DEAF1: variants seen among roughly 807,000 people sequenced by gnomAD.
DEAF1 encodes DEAF1 transcription factor.
Under a neutral mutation model 58.9 loss-of-function variants are expected in DEAF1, and 53 were observed. The observed-to-expected ratio is 0.90, with a 90% CI of 0.72 to 1.13. DEAF1 has a LOEUF of 1.13. Among genes scored for constraint, DEAF1 ranks in the 50% most tolerant of loss-of-function variants. The pLI is 0.00. For missense variants in DEAF1, 685 were observed against 791.4 expected (o/e 0.87, Z 1.61); for synonymous variants, 385 against 340.4 (o/e 1.13, Z -1.44).
chr11:650,934 A>G (rs1738136260), intron 11 of DEAF1, among the ~76,000 whole-genome samples: 1 of 152,042 alleles, frequency 6.6e-6, no homozygotes. Flanking sequence ...ACCATAAGAC[A>G]GGTGGAGTGT....
rs752892619 is a variant in DEAF1 at position 695,078 on chromosome 11, C to T, written c.-31G>A. On this transcript the variant is annotated 5_prime_UTR_variant, in exon 1 of 12. Transcript: ENST00000382409. Reference sequence around the variant, plus strand: ...CTCCGCCGAGCCTTCCCGAAGGCGCCGTCCGGGACCGCCCGAAGCGCCGGT... The same window carrying T: ...CTCCGCCGAGCCTTCCCGAAGGCGCTGTCCGGGACCGCCCGAAGCGCCGGT... The T allele has an allele frequency of 9.1e-6, 13 of 1,424,316 alleles. No homozygotes were observed. In the East Asian group the frequency reaches 3.2e-4, roughly 35 times the overall value. The allele number at this position is 1,424,316 out of a possible 1,614,324, so 88.2% of individuals were successfully genotyped here.
intron 1 of DEAF1, among the ~76,000 whole-genome samples, chr11:702,042 G>A (rs1861521145): frequency 6.6e-6 from 1 of 152,190 alleles, no homozygotes; most frequent in Non-Finnish European, 1.5e-5. Context: ...CTGTGCCCCT[G>A]CCAGGCTGGA....
rs181442121 is a variant in DEAF1 at position 701,462 on chromosome 11, G to C, written c.-438+5110C>G. 4.9e-3 allele frequency among the ~76,000 whole-genome samples: 665 copies of C among 137,048 alleles called. 5 individuals carry two copies. Among genetic ancestry groups the C allele is most frequent in the Non-Finnish European group, 6.1e-3 (399 of 65,500 alleles). 89.9% of individuals were successfully genotyped at this position (137,048 alleles called of 152,430 possible). Reference sequence around the variant, plus strand: ...GTCTCGCTCTGTCGCCCAGGCTGGAGTGCAGTGGCGTGAACTTGGCTCACT... The same window carrying C: ...GTCTCGCTCTGTCGCCCAGGCTGGACTGCAGTGGCGTGAACTTGGCTCACT... On this transcript the variant is annotated intron_variant, in intron 1 of 11. Coordinates refer to the DEAF1 transcript ENST00000683307.
In DEAF1 at chr11:679,797, T is replaced by A. The variant is rs745349382; in HGVS notation, c.1017A>T (p.Gly339=). The A allele has an allele frequency of 6.2e-7, 1 of 1,613,816 alleles. No individual in the cohort carries two copies. Among genetic ancestry groups the A allele is most frequent in the Non-Finnish European group, 8.5e-7 (1 of 1,180,044 alleles). The change falls in exon 8 of 12, where the codon GGA becomes GGT. Residue 339 remains glycine, a synonymous_variant. Coordinates refer to ENST00000382409, the MANE Select transcript of DEAF1 (RefSeq NM_021008.4). ...AATTFTVTPS[G]QITTSGALTF... ...TCAGTGCCCCCGAGGTCGTGATCTGTCCCGAGGGGGTCACGGTGACTGGAA... is the reference window on the plus strand; with the variant it reads ...TCAGTGCCCCCGAGGTCGTGATCTGACCCGAGGGGGTCACGGTGACTGGAA...
intron 11 of DEAF1, chr11:646,177 TGGGAGGCAGAG>T (rs1858485911): frequency 7.5e-6 from 1 of 133,598 alleles, no homozygotes; most frequent in African/African-American, 2.9e-5. Context: ...CACTTGAACC[TGGGAGGCAGAG>T]GTTGCAGTAA....
rs1228925010 is a variant in DEAF1 at position 704,122 on chromosome 11, TC to T, written c.-438+2449del. On this transcript the variant is annotated intron_variant, in intron 1 of 11. Coordinates refer to the DEAF1 transcript ENST00000683307. The stretch of plus-strand genomic sequence containing the variant: ...TTGTAAATAAAGAGATGTGTATGCC[TC>T]CCTGAATTCTCCTAATTATGGCCAC... The T allele has an allele frequency of 2.7e-6, 3 of 1,129,664 alleles. No homozygotes were observed. In the Admixed American group the frequency reaches 1.4e-4, roughly 53 times the overall value. 70.0% of individuals were successfully genotyped at this position (1,129,664 alleles called of 1,614,324 possible).
At chr11:690,920 C>T (rs1860805576) in intron 2 of DEAF1, among the ~76,000 whole-genome samples, 1 of 152,216 alleles carries the variant, frequency 6.6e-6, no homozygotes, top group Non-Finnish European at 1.5e-5. Context: ...AGGTTGCCTG[C>T]CCTGGTTGAC....
chr11:646,817 G>A (rs1055330257), intron 11 of DEAF1, among the ~76,000 whole-genome samples: 5 of 151,908 alleles, frequency 3.3e-5, no homozygotes, highest in African/African-American at 9.7e-5. Context: ...TTTGAAAAAC[G>A]GAAAAAAATG....
At chr11:679,255 C>A (rs1860227811) in intron 8 of DEAF1, among the ~76,000 whole-genome samples, 1 of 150,504 alleles carries the variant, frequency 6.6e-6, no homozygotes, top group Non-Finnish European at 1.5e-5. Context: ...GCGGAGCTTG[C>A]AATGAGCCGA....
intron 10 of DEAF1, among the ~76,000 whole-genome samples, chr11:656,158 CTTTT>C (rs1554936925): frequency 1.4e-4 from 18 of 124,322 alleles, no homozygotes; most frequent in African/African-American, 3.3e-4. Context: ...AAATGACAAA[CTTTT>C]TTTTTTTTTT....
intron 6 of DEAF1, among the ~76,000 whole-genome samples, chr11:684,393 G>A (rs1860497842): frequency 1.3e-5 from 2 of 151,946 alleles, no homozygotes; most frequent in South Asian, 4.1e-4. Context: ...ACCCCAGTGT[G>A]GGCGACAGAA....
chr11:700,539 AAG>A (rs1861402754), intron 1 of DEAF1: 1 of 1,226,412 alleles, frequency 8.2e-7, no homozygotes, highest in Non-Finnish European at 1.2e-6. Context: ...AAAAAAAAAA[AAG>A]GAAAAGGCAA....
At chr11:650,247 G>A (rs1390091564) in intron 11 of DEAF1, among the ~76,000 whole-genome samples, 1 of 151,360 alleles carries the variant, frequency 6.6e-6, no homozygotes, top group African/African-American at 2.4e-5. Flanking sequence ...GGTGGCAGGA[G>A]CCTGTAATCC....
At position 694,884 on chromosome 11, in the gene DEAF1, T is replaced by A; in HGVS notation, c.164A>T (p.Glu55Val). The change falls in exon 1 of 12, where the codon GAG becomes GTG. Residue 55 changes from glutamate (E) to valine (V), a missense_variant. By Grantham distance (121) the Glu-to-Val change is moderately radical. Around this residue, in one of 3 missense-constraint regions of DEAF1, gnomAD observed 210 missense variants for 177.3 expected, o/e 1.18. Transcript: ENST00000382409. ...DEDSEEDADS[E>V]AERETPRVTA... ...GACCCGCGGCGTCTCCCGCTCCGCCTCCGAGTCTGCGTCCTCCTCCGAGTC... is the reference window on the plus strand; with the variant it reads ...GACCCGCGGCGTCTCCCGCTCCGCCACCGAGTCTGCGTCCTCCTCCGAGTC... 6.7e-7 allele frequency: 1 copy of A among 1,498,020 alleles called. No homozygotes were observed. Among genetic ancestry groups the A allele is most frequent in the Non-Finnish European group, 8.9e-7 (1 of 1,127,932 alleles). 92.8% of individuals were successfully genotyped at this position (1,498,020 alleles called of 1,614,324 possible). A position where few individuals can be genotyped will look rare whatever the true frequency, so the allele number is the denominator to read the frequency against.
At chr11:674,215 A>C (rs529753184) in intron 10 of DEAF1, 1 of 377,124 alleles carries the variant, frequency 2.7e-6, no homozygotes, top group Admixed American at 3.7e-5. Flanking sequence ...AAATATAAGC[A>C]CATTTCACTA....
intron 6 of DEAF1, among the ~76,000 whole-genome samples, chr11:682,560 C>A (rs187041666): frequency 0.015 from 2,219 of 152,144 alleles, 52 homozygotes; most frequent in African/African-American, 0.05. Flanking sequence ...TCTGTTCTTA[C>A]GGCCTCTCTC....
chr11:660,054 C>T (rs1174103873), intron 10 of DEAF1, among the ~76,000 whole-genome samples: 2 of 152,210 alleles, frequency 1.3e-5, no homozygotes, highest in Non-Finnish European at 2.9e-5. Context: ...CACCAATGCC[C>T]ACCATGGGGC....
In DEAF1 at chr11:645,347, C is replaced by T. The variant is rs533768864; in HGVS notation, c.1594-693G>A. Among the ~76,000 whole-genome samples, 13 of 152,040 alleles carry T rather than the reference C, an allele frequency of 8.6e-5. 1 individual carries two copies. Among genetic ancestry groups the T allele is most frequent in the East Asian group, 5.8e-4 (3 of 5,166 alleles). Reference sequence around the variant, plus strand: ...TTTTGTTGTTTTTCGGACAGAGTTTCGCTCTTGTTTCCCAGGCTGGAGTGT... The same window carrying T: ...TTTTGTTGTTTTTCGGACAGAGTTTTGCTCTTGTTTCCCAGGCTGGAGTGT... On this transcript the variant is annotated intron_variant, in intron 11 of 11. Transcript: ENST00000382409.
chr11:674,094 G>A (rs4073591), intron 10 of DEAF1: 1 of 261,208 alleles, frequency 3.8e-6, no homozygotes, highest in South Asian at 4.3e-5. Flanking sequence ...AGCTGGGAGG[G>A]CTTTGTGACA....
Sources: gnomAD v4.1 joint callset for allele counts (sites outside exome capture counted in the v4.1 genomes callset) on GRCh38, gnomAD v4.1.1 for gene constraint, gnomAD v4.1.1 regional missense constraint, MANE v1.5 for transcripts, NCBI Gene and HGNC (gene_info 2026-07-23, HGNC 2026-07-21) for gene names.